Variants in IDI2 observed in about 807,000 individuals in gnomAD.
IDI2 encodes the protein isopentenyl-diphosphate delta isomerase 2.
IDI2 carries 18 observed loss-of-function variants against 14.8 expected under a neutral mutation model. The ratio of observed to expected loss-of-function variants is 1.22; its 90% confidence interval spans 0.84 to 1.80. The LOEUF is 1.80. Among genes scored for constraint, IDI2 ranks in the 40% most tolerant of loss-of-function variants. The pLI, the probability that IDI2 is intolerant of heterozygous loss-of-function variation, is 0.00. For missense variants in IDI2, 316 were observed against 283.2 expected (o/e 1.12, Z -0.83); for synonymous variants, 133 against 109.6 (o/e 1.21, Z -1.33).
At position 1,019,603 on chromosome 10, in the gene IDI2, TG is replaced by T. The variant is rs1346776064; in HGVS notation, c.597del (p.Ile200LeufsTer16). On this transcript the variant is annotated frameshift_variant, in exon 5 of 5. Transcript: ENST00000277517. LOFTEE classifies it low-confidence loss of function (END_TRUNC). ...GEVKVTPWLR[T>X]IAERFLYRWW... Reference sequence around the variant, plus strand: ...CACCGGTACAGAAACCTCTCGGCAATGGTTCTTAGCCAGGGGGTGACTTTGA... The same window carrying T: ...CACCGGTACAGAAACCTCTCGGCAATGTTCTTAGCCAGGGGGTGACTTTGA... 6.2e-7 allele frequency: 1 copy of T among 1,614,034 alleles called. No individual in the cohort carries two copies. Among genetic ancestry groups the T allele is most frequent in the Non-Finnish European group, 8.5e-7 (1 of 1,180,004 alleles).
At chr10:1,024,057 G>C (rs1166094990) in intron 2 of IDI2, among the ~76,000 whole-genome samples, 4 of 152,208 alleles carry the variant, frequency 2.6e-5, no homozygotes, top group Non-Finnish European at 4.4e-5. Context: ...AGGAAAGTCT[G>C]ACTTTACTGA....
chr10:1,020,749 A>G lies in IDI2; in HGVS notation c.366+18T>C. On this transcript the variant is annotated intron_variant, in intron 4 of 4. Transcript: ENST00000277517. ...CTGGACTCCCGTGGACACAGCTGAG[A>G]CTGGATGCTGTGTGTACCTGCTCCC... 1 of 1,602,016 alleles carries G rather than the reference A, an allele frequency of 6.2e-7. No homozygotes were observed.
At chr10:1,024,949 A>G (rs1270996739) in intron 1 of IDI2, among the ~76,000 whole-genome samples, 1 of 151,510 alleles carries the variant, frequency 6.6e-6, no homozygotes, top group Non-Finnish European at 1.5e-5. Context: ...TCTTGGGTAC[A>G]TACATACTCC....
At chr10:1,024,824 A>G in intron 1 of IDI2, 80 bp from the exon 2 acceptor site, 1 of 1,345,708 alleles carries the variant, frequency 7.4e-7, no homozygotes, top group Non-Finnish European at 1.0e-6. Flanking sequence ...CAACCACATT[A>G]GGATTTAGCA....
rs770301353 is a variant in IDI2, at chr10:1,020,901, G to A, written c.236-4C>T. The A allele has an allele frequency of 2.5e-6, 4 of 1,604,220 alleles. No individual in the cohort carries two copies. In the South Asian group the frequency reaches 4.5e-5, roughly 18 times the overall value. On this transcript the variant is annotated splice_region_variant and splice_polypyrimidine_tract_variant and intron_variant, in intron 3 of 4. Coordinates refer to ENST00000277517, the MANE Select transcript of IDI2 (RefSeq NM_033261.3). ...CTACAGGAGTCGGTAAAATACCCTG[G>A]AAAAAATGCATGTGGGAACATCCCT... is the stretch of plus-strand genomic sequence containing the variant.
chr10:1,023,313 A>C (rs1832147195), intron 2 of IDI2, among the ~76,000 whole-genome samples: 1 of 152,038 alleles, frequency 6.6e-6, no homozygotes, highest in Admixed American at 6.6e-5. Context: ...GTCTCTACTA[A>C]AAATACAAAA....
chr10:1,023,040 CAGAGAGA>C (rs1832140293), intron 2 of IDI2, among the ~76,000 whole-genome samples: 2 of 152,178 alleles, frequency 1.3e-5, no homozygotes, highest in Non-Finnish European at 2.9e-5. Context: ...ATCAGTCTAT[CAGAGAGA>C]TATCGCAGCA....
chr10:1,025,051 C>CACACACACACAA (rs1171753367), intron 1 of IDI2, among the ~76,000 whole-genome samples: 17 of 137,878 alleles, frequency 1.2e-4, no homozygotes, highest in Non-Finnish European at 2.2e-4. Context: ...CACACACACA[C>CACACACACACAA]AAAACACACC....
intron 3 of IDI2, 102 bp downstream of exon 3, chr10:1,022,581 C>T: frequency 1.1e-6 from 1 of 877,944 alleles, no homozygotes; most frequent in Non-Finnish European, 1.9e-6. Context: ...GCCAGCTCAC[C>T]ACAGTGCGGC....
Position 1,020,878 on chromosome 10 carries a change from A to G in IDI2, c.255T>C (p.Cys85=), listed in dbSNP as rs780781772. 2 of 1,613,514 alleles carry G rather than the reference A, an allele frequency of 1.2e-6. No individual in the cohort carries two copies. Among genetic ancestry groups the G allele is most frequent in the African/African-American group, 1.3e-5 (1 of 75,008 alleles). ...CTGGGTTGTATAATGGGTGGCTACT[A>G]CAGGAGTCGGTAAAATACCCTGGAA... The part of the protein sequence containing the change: ...VTFPGYFTDS[C]SSHPLYNPAE... Residue 85 remains cysteine (C), a synonymous_variant, in exon 4 of 5, where the codon TGT becomes TGC. Coordinates refer to ENST00000277517, the MANE Select transcript of IDI2 (RefSeq NM_033261.3).
chr10:1,020,942 G>T (rs528963557), intron 3 of IDI2, 45 bp from the exon 4 acceptor site: 3 of 1,585,748 alleles, frequency 1.9e-6, no homozygotes. Context: ...TTCCTGAAAA[G>T]TGAATATATT....
In IDI2 at chr10:1,019,297, T is replaced by C. The variant is rs770269015; in HGVS notation, c.*220A>G. The C allele has an allele frequency of 5.8e-6, 3 of 514,960 alleles. No individual in the cohort carries two copies. The highest frequency in any genetic ancestry group is 1.0e-5 in the Non-Finnish European group (3 of 290,656). 31.9% of individuals were successfully genotyped at this position (514,960 alleles called of 1,614,324 possible). On this transcript the variant is annotated 3_prime_UTR_variant, in exon 5 of 5. Transcript: ENST00000277517. ...AAATTGGGACAAAGGAAATGTTAAA[T>C]TTCCTCCCTGCAACCAGGCAGATGA...
intron 3 of IDI2, among the ~76,000 whole-genome samples, chr10:1,021,690 C>T (rs1379060280): frequency 2.6e-5 from 4 of 152,200 alleles, no homozygotes; most frequent in Admixed American, 2.0e-4. Flanking sequence ...CTTTGCAGCT[C>T]CTGAATTTTT....
rs1447029404 is a variant in IDI2 at position 1,025,803 on chromosome 10, CAT to C, written c.-22+11_-22+12del. The C allele has an allele frequency of 2.6e-5, 4 of 152,072 alleles. No individual in the cohort carries two copies. The highest frequency in any genetic ancestry group is 9.7e-5 in the African/African-American group (4 of 41,402). The allele number at this position is 152,072 out of a possible 1,614,324, so 9.4% of individuals were successfully genotyped here. A position where few individuals can be genotyped will look rare whatever the true frequency, so the allele number is the denominator to read the frequency against. ...AAGAAAGAATTCCCACAAGGTAAAA[CAT>C]ATGCACTAACCTCTCTTGGAAGCTG... On this transcript the variant is annotated intron_variant, in intron 1 of 4. Transcript: ENST00000277517.
chr10:1,024,788 GCCA>G lies in IDI2; in HGVS notation c.-21-47_-21-45del. ...AATGCCTCTTTATGTGAAAGATATT[GCCA>G]TCTCGTTTTTGCTATGTGTTACCAA... On this transcript the variant is annotated intron_variant, in intron 1 of 4. Transcript: ENST00000277517. The G allele has an allele frequency of 8.8e-6, 14 of 1,597,364 alleles. No individual in the cohort carries two copies. The South Asian group carries it at 1.6e-4, about 18-fold the overall frequency.
chr10:1,024,281 C>G (rs1832171074), intron 2 of IDI2, among the ~76,000 whole-genome samples: 1 of 152,186 alleles, frequency 6.6e-6, no homozygotes, highest in African/African-American at 2.4e-5. Context: ...GGAATTTAAT[C>G]AGATGCCAAG....
intron 1 of IDI2, among the ~76,000 whole-genome samples, chr10:1,025,317 A>G (rs950808813): frequency 5.9e-5 from 9 of 152,102 alleles, no homozygotes; most frequent in African/African-American, 1.9e-4. Context: ...AGGTGGGAGG[A>G]TCACTTGAGG....
Position 1,019,428 on chromosome 10 carries a change from T to C in IDI2, c.*89A>G. On this transcript the variant is annotated 3_prime_UTR_variant, in exon 5 of 5. Coordinates refer to ENST00000277517, the MANE Select transcript of IDI2 (RefSeq NM_033261.3). ...GGGCAATCAAGTGCCCCTTTTGCCC[T>C]GTTTTTTGGAGAGGGTGTATCATTG... is the stretch of plus-strand genomic sequence containing the variant. The C allele has an allele frequency of 9.5e-7, 1 of 1,049,054 alleles. No homozygotes were observed. Among genetic ancestry groups the C allele is most frequent in the Non-Finnish European group, 1.4e-6 (1 of 733,206 alleles). The allele number at this position is 1,049,054 out of a possible 1,614,324, so 65.0% of individuals were successfully genotyped here.
Position 1,020,879 on chromosome 10 carries a change from C to T in IDI2, c.254G>A (p.Cys85Tyr), listed in dbSNP as rs750339251. Residue 85 changes from cysteine (C) to tyrosine (Y), a missense_variant, in exon 4 of 5, where the codon TGT becomes TAT. Cys to Tyr is a radical substitution (Grantham distance 194). Transcript: ENST00000277517. ...TGGGTTGTATAATGGGTGGCTACTA[C>T]AGGAGTCGGTAAAATACCCTGGAAA... ...VTFPGYFTDSCSSHPLYNPAE... is the reference protein window; with the variant it reads ...VTFPGYFTDSYSSHPLYNPAE... The T allele has an allele frequency of 1.9e-6, 3 of 1,613,320 alleles. No individual in the cohort carries two copies. Among genetic ancestry groups the T allele is most frequent in the South Asian group, 1.1e-5 (1 of 90,916 alleles).
Sources: allele counts gnomAD v4.1 joint callset (sites outside exome capture counted in the v4.1 genomes callset), GRCh38; gene constraint gnomAD v4.1.1; transcripts MANE v1.5; gene names NCBI Gene and HGNC (gene_info 2026-07-23, HGNC 2026-07-21).